Variants in DNAJC10 observed in about 807,000 individuals in gnomAD.
DNAJC10 encodes endoplasmic reticulum disulfide reductase DNAJC10.
In DNAJC10, 101 loss-of-function variants were observed where a neutral mutation model predicts 115.0. The observed-to-expected ratio is 0.88, with a 90% CI of 0.75 to 1.04. The LOEUF is 1.04. Among genes scored for constraint, DNAJC10 ranks in the 50% least tolerant of loss-of-function variants. DNAJC10 has a pLI of 0.00. For synonymous variants in DNAJC10, 307 were observed against 301.5 expected, an observed-to-expected ratio of 1.02 and a Z score of -0.19; for missense variants, 981 against 928.8, an observed-to-expected ratio of 1.06 and a Z score of -0.73.
At position 182,779,207 on chromosome 2, in the gene DNAJC10, A is replaced by G. The variant is rs1432137217; in HGVS notation, c.*2075A>G. 1 of 152,208 alleles carries G rather than the reference A, an allele frequency of 6.6e-6. No homozygotes were observed. Among genetic ancestry groups the G allele is most frequent in the African/African-American group, 2.4e-5 (1 of 41,454 alleles). The allele number at this position is 152,208 out of a possible 1,614,324, so 9.4% of individuals were successfully genotyped here. ...ACGTATCATAAAGTGACATACATCA[A>G]GGTTATCTTATATAGTCATAACAGT... On this transcript the variant is annotated 3_prime_UTR_variant, in exon 24 of 24. Coordinates refer to ENST00000264065, the MANE Select transcript of DNAJC10 (RefSeq NM_018981.4).
chr2:182,762,930 T>C (rs1270600888), intron 22 of DNAJC10, 129 bp downstream of exon 22: 1 of 1,077,386 alleles, frequency 9.3e-7, no homozygotes, highest in African/African-American at 1.6e-5. Context: ...ATATTACTGA[T>C]ACAAGTTTTT....
chr2:182,745,828 G>A (rs933593242), intron 14 of DNAJC10, among the ~76,000 whole-genome samples: 5 of 151,720 alleles, frequency 3.3e-5, no homozygotes, highest in Middle Eastern at 6.8e-3. Context: ...ATGCTGGTGC[G>A]CTGCACCCAC....
rs143829334 is a variant in DNAJC10, at chr2:182,754,244, A to G, written c.1552-759A>G. Among the ~76,000 whole-genome samples, 3 of 152,352 alleles carry G rather than the reference A, an allele frequency of 2.0e-5. No individual in the cohort carries two copies. In the East Asian group the frequency reaches 5.8e-4, roughly 29 times the overall value. On this transcript the variant is annotated intron_variant, in intron 16 of 23. Transcript: ENST00000264065. ...TTTGCACACATTTTTCAAGACTAATATAAATGTTTCCATTGTTTTTTCAAA... is the reference window on the plus strand; with the variant it reads ...TTTGCACACATTTTTCAAGACTAATGTAAATGTTTCCATTGTTTTTTCAAA...
At position 182,785,544 on chromosome 2, in the gene DNAJC10, A is replaced by G. The variant is rs1169862131; in HGVS notation, c.*8412A>G. 3 of 152,142 alleles carry G rather than the reference A, an allele frequency of 2.0e-5. No homozygotes were observed. The highest frequency in any genetic ancestry group is 4.4e-5 in the Non-Finnish European group (3 of 68,016). 9.4% of individuals were successfully genotyped at this position (152,142 alleles called of 1,614,324 possible). A position where few individuals can be genotyped will look rare whatever the true frequency, so the allele number is the denominator to read the frequency against. ...AATATTTCAGTAGGTAGTCATATAA[A>G]TAAGATGAGGTAATGTGTTTAGAAA... On this transcript the variant is annotated 3_prime_UTR_variant, in exon 24 of 24. Coordinates refer to ENST00000264065, the MANE Select transcript of DNAJC10 (RefSeq NM_018981.4).
rs368511754 is a variant in DNAJC10 at position 182,740,434 on chromosome 2, C to T, written c.1077+46C>T. The T allele has an allele frequency of 1.7e-5, 26 of 1,498,636 alleles. No individual in the cohort carries two copies. In the African/African-American group the frequency reaches 3.5e-4, roughly 20 times the overall value. 92.8% of individuals were successfully genotyped at this position (1,498,636 alleles called of 1,614,324 possible). ...GATAAGTAGCAATGAATGTTCGTAACATTTCAGGTCTTAACATTTTAAAAT... is the reference window on the plus strand; with the variant it reads ...GATAAGTAGCAATGAATGTTCGTAATATTTCAGGTCTTAACATTTTAAAAT... On this transcript the variant is annotated intron_variant, in intron 12 of 23. Coordinates refer to ENST00000264065, the MANE Select transcript of DNAJC10 (RefSeq NM_018981.4).
At chr2:182,720,855 A>G (rs1183233877) in intron 4 of DNAJC10, among the ~76,000 whole-genome samples, 1 of 152,266 alleles carries the variant, frequency 6.6e-6, no homozygotes, top group East Asian at 1.9e-4. Flanking sequence ...TTTAGTAATG[A>G]TCTCTTCAAT....
rs1157025870 is a variant in DNAJC10 at position 182,781,885 on chromosome 2, T to C, written c.*4753T>C. ...TCAGATGGATAGATTGCAAAAAGTT[T>C]CTCCCATTCTGTAGGTTGCCTGTTC... On this transcript the variant is annotated 3_prime_UTR_variant, in exon 24 of 24. Coordinates refer to ENST00000264065, the MANE Select transcript of DNAJC10 (RefSeq NM_018981.4). 1 of 152,226 alleles carries C rather than the reference T, an allele frequency of 6.6e-6. No individual in the cohort carries two copies. The highest frequency in any genetic ancestry group is 1.5e-5 in the Non-Finnish European group (1 of 68,046). 9.4% of individuals were successfully genotyped at this position (152,226 alleles called of 1,614,324 possible).
At chr2:182,774,664 G>GGA (rs1236784460) in intron 22 of DNAJC10, among the ~76,000 whole-genome samples, 2 of 152,352 alleles carry the variant, frequency 1.3e-5, no homozygotes, top group East Asian at 3.9e-4. Context: ...GCCAGGCCCA[G>GGA]GAGAGAATCT....
rs1182133385 is a variant in DNAJC10, at chr2:182,785,626, G to C, written c.*8494G>C. On this transcript the variant is annotated 3_prime_UTR_variant, in exon 24 of 24. Transcript: ENST00000264065. ...TGTGGGAAATTTTGTAGGACAAATGGTATGATTTCTTTAATGAAAAAGACA... is the reference window on the plus strand; with the variant it reads ...TGTGGGAAATTTTGTAGGACAAATGCTATGATTTCTTTAATGAAAAAGACA... 2 of 152,050 alleles carry C rather than the reference G, an allele frequency of 1.3e-5. No individual in the cohort carries two copies. Among genetic ancestry groups the C allele is most frequent in the African/African-American group, 4.8e-5 (2 of 41,406 alleles). The allele number at this position is 152,050 out of a possible 1,614,324, so 9.4% of individuals were successfully genotyped here.
At chr2:182,774,812 A>T (rs1694660467) in intron 22 of DNAJC10, among the ~76,000 whole-genome samples, 2 of 90,494 alleles carry the variant, frequency 2.2e-5, no homozygotes, top group African/African-American at 9.4e-5. Flanking sequence ...CCCGGGTGAG[A>T]CAACACCCCC....
chr2:182,718,137 C>G lies in DNAJC10; in HGVS notation c.51C>G (p.Ile17Met). ...KDDYIRDLKR[I>M]ILCFLIVYMA... ...ACTATATCAGAGACTTGAAAAGGAT[C>G]ATTCTCTGTTTTCTGATAGTGTATA... Residue 17 changes from isoleucine (I) to methionine (M), a missense_variant, in exon 3 of 24, where the codon ATC becomes ATG. Transcript: ENST00000264065. 1 of 1,612,860 alleles carries G rather than the reference C, an allele frequency of 6.2e-7. No individual in the cohort carries two copies. Among genetic ancestry groups the G allele is most frequent in the South Asian group, 1.1e-5 (1 of 90,856 alleles).
intron 14 of DNAJC10, among the ~76,000 whole-genome samples, chr2:182,746,623 C>G (rs1478375742): frequency 2.6e-5 from 4 of 152,110 alleles, no homozygotes; most frequent in East Asian, 1.9e-4. Context: ...GTAGATTCTG[C>G]ATATTAGCCC....
Position 182,777,123 on chromosome 2 carries a change from T to A in DNAJC10, c.2373T>A (p.Asp791Glu), listed in dbSNP as rs1304302311. 1 of 1,412,698 alleles carries A rather than the reference T, an allele frequency of 7.1e-7. No homozygotes were observed. Among genetic ancestry groups the A allele is most frequent in the South Asian group, 1.6e-5 (1 of 63,998 alleles). 87.5% of individuals were successfully genotyped at this position (1,412,698 alleles called of 1,614,324 possible). A position where few individuals can be genotyped will look rare whatever the true frequency, so the allele number is the denominator to read the frequency against. The change falls in exon 24 of 24, where the codon GAT becomes GAA. Residue 791 changes from aspartate (D) to glutamate (E), a missense_variant and splice_region_variant. Transcript: ENST00000264065. ...TLRNQGKRNKDEL is the reference protein window; with the variant it reads ...TLRNQGKRNKEEL Reference sequence around the variant, plus strand: ...TCGCCTTTACATTATTATTATAGGATGAACTTTGATAATGTTGAAGATGAA... The same window carrying A: ...TCGCCTTTACATTATTATTATAGGAAGAACTTTGATAATGTTGAAGATGAA...
chr2:182,763,541 C>T (rs1694338325), intron 22 of DNAJC10, among the ~76,000 whole-genome samples: 1 of 152,040 alleles, frequency 6.6e-6, no homozygotes, highest in South Asian at 2.1e-4. Flanking sequence ...CACCTGTGGC[C>T]TTGTAAAAGC....
rs1235819676 is a variant in DNAJC10, at chr2:182,790,407, ATACT to A, written c.*13278_*13281del. The A allele has an allele frequency of 6.6e-6, 1 of 152,210 alleles. No individual in the cohort carries two copies. The highest frequency in any genetic ancestry group is 1.5e-5 in the Non-Finnish European group (1 of 68,034). 9.4% of individuals were successfully genotyped at this position (152,210 alleles called of 1,614,324 possible). A position where few individuals can be genotyped will look rare whatever the true frequency, so the allele number is the denominator to read the frequency against. ...TACCTTGGTCTTACAGAACTGAACAATACTTAAATGTGTTTAAACCTGCTATATA... is the reference window on the plus strand; with the variant it reads ...TACCTTGGTCTTACAGAACTGAACAATAAATGTGTTTAAACCTGCTATATA... On this transcript the variant is annotated 3_prime_UTR_variant, in exon 24 of 24. Coordinates refer to ENST00000264065, the MANE Select transcript of DNAJC10 (RefSeq NM_018981.4).
At chr2:182,723,628 C>T (rs763268394) in intron 5 of DNAJC10, among the ~76,000 whole-genome samples, 6 of 152,148 alleles carry the variant, frequency 3.9e-5, no homozygotes, top group Non-Finnish European at 7.3e-5. Context: ...TGTCTCTCAT[C>T]TCCTAATATA....
At chr2:182,753,609 G>A (rs1213639560) in intron 16 of DNAJC10, among the ~76,000 whole-genome samples, 1 of 101,738 alleles carries the variant, frequency 9.8e-6, no homozygotes, top group African/African-American at 3.9e-5. Flanking sequence ...TTGAGACAGA[G>A]TCTTGCTCTG....
chr2:182,738,744 G>A (rs960760466), intron 11 of DNAJC10, among the ~76,000 whole-genome samples: 1 of 152,116 alleles, frequency 6.6e-6, no homozygotes, highest in Non-Finnish European at 1.5e-5. Context: ...GTTTCACCGT[G>A]TTAGCCAGGA....
At chr2:182,769,780 T>C (rs1040898728) in intron 22 of DNAJC10, among the ~76,000 whole-genome samples, 1 of 152,206 alleles carries the variant, frequency 6.6e-6, no homozygotes, top group African/African-American at 2.4e-5. Context: ...TGCCTTTCAC[T>C]CTGATGATAG....
Sources: gnomAD v4.1 joint callset for allele counts (sites outside exome capture counted in the v4.1 genomes callset) on GRCh38, gnomAD v4.1.1 for gene constraint, MANE v1.5 for transcripts, NCBI Gene and HGNC (gene_info 2026-07-23, HGNC 2026-07-21) for gene names.